Variants in ZFYVE26 observed in about 807,000 individuals in gnomAD.
ZFYVE26 encodes zinc finger FYVE-type containing 26, also known as zinc finger FYVE domain-containing protein 26.
In ZFYVE26, 181 loss-of-function variants were observed where a neutral mutation model predicts 276.5. The ratio of observed to expected loss-of-function variants is 0.65; its 90% CI spans 0.58 to 0.74. ZFYVE26 has a LOEUF of 0.74. ZFYVE26 is among the 30% of genes least tolerant of loss of function. The pLI, the probability that ZFYVE26 is intolerant of heterozygous loss-of-function variation, is 0.00. For synonymous variants in ZFYVE26, 1,129 were observed against 1,203.1 expected, an observed-to-expected ratio of 0.94 and a Z score of 1.27; for missense variants, 2,821 against 3,097.9, an observed-to-expected ratio of 0.91 and a Z score of 2.12.
chr14:67,772,385 C>T (rs1338291189), intron 27 of ZFYVE26, among the ~76,000 whole-genome samples, 175 bp from the exon 28 acceptor site: 1 of 152,196 alleles, frequency 6.6e-6, no homozygotes, highest in Admixed American at 6.5e-5. Flanking sequence ...CATTGTGTGC[C>T]TCCTGATGGA....
In ZFYVE26 at chr14:67,815,960, T is replaced by G; in HGVS notation, c.4A>C (p.Asn2His). 6.2e-7 allele frequency: 1 copy of G among 1,610,498 alleles called. No homozygotes were observed. Among genetic ancestry groups the G allele is most frequent in the Non-Finnish European group, 8.5e-7 (1 of 1,178,772 alleles). Residue 2 changes from asparagine (N) to histidine (H), a missense_variant, in exon 2 of 42, where the codon AAT becomes CAT. Physicochemically the swap from Asn to His is moderately conservative, Grantham distance 68. Coordinates refer to ENST00000347230, the MANE Select transcript of ZFYVE26 (RefSeq NM_015346.4). The part of the protein sequence containing the change: M[N>H]HPFGKEEAAS... The stretch of plus-strand genomic sequence containing the variant: ...GCTTCCTCTTTTCCAAATGGATGAT[T>G]CATTTTCCCAGCACAGAGTGCAGGG...
At chr14:67,776,380 T>TAA (rs756214469) in intron 25 of ZFYVE26, among the ~76,000 whole-genome samples, 3 of 152,240 alleles carry the variant, frequency 2.0e-5, no homozygotes, top group Non-Finnish European at 4.4e-5. Flanking sequence ...TCATGGTCCA[T>TAA]AATGTCTGTC....
intron 13 of ZFYVE26, among the ~76,000 whole-genome samples, chr14:67,733,053 A>G (rs1284533534): frequency 4.6e-5 from 7 of 152,178 alleles, no homozygotes; most frequent in African/African-American, 7.2e-5. Context: ...GCACACCAAC[A>G]TGGCACATGT....
At position 67,798,393 on chromosome 14, in the gene ZFYVE26, T is replaced by C. The variant is rs2040004781; in HGVS notation, c.1869A>G (p.Ile623Met). Residue 623 changes from isoleucine (I) to methionine (M), a missense_variant, in exon 11 of 42, where the codon ATA (isoleucine) becomes ATG (methionine). Transcript: ENST00000347230. ...GTTCTGACTTCCTTTCAGGATGTGCTATGTGCTGAGGGCTCTCTGATGGGG... is the reference window on the plus strand; with the variant it reads ...GTTCTGACTTCCTTTCAGGATGTGCCATGTGCTGAGGGCTCTCTGATGGGG... ...LRSPSESPQH[I>M]AHPERKSERG... The C allele has an allele frequency of 3.7e-6, 6 of 1,612,466 alleles. No individual in the cohort carries two copies. In the East Asian group the frequency reaches 8.9e-5, roughly 24 times the overall value.
chr14:67,777,988 T>A, intron 24 of ZFYVE26, 138 bp downstream of exon 24: 1 of 1,378,590 alleles, frequency 7.3e-7, no homozygotes, highest in African/African-American at 1.4e-5. Flanking sequence ...CTGCTCAAGA[T>A]GACTATAACC....
At chr14:67,749,776 T>A (rs553732783) in intron 41 of ZFYVE26, among the ~76,000 whole-genome samples, 4 of 152,172 alleles carry the variant, frequency 2.6e-5, no homozygotes, top group Non-Finnish European at 4.4e-5. Flanking sequence ...TGCCCTAGGA[T>A]GTTAGCTCTC....
intron 41 of ZFYVE26, chr14:67,750,850 G>A (rs547300268): frequency 1.0e-4 from 70 of 672,710 alleles, no homozygotes; most frequent in South Asian, 1.5e-4. Context: ...AGGCAAAGAC[G>A]CATGCAGTCC....
intron 35 of ZFYVE26, among the ~76,000 whole-genome samples, chr14:67,758,959 G>C (rs1381054134): frequency 1.3e-5 from 2 of 152,114 alleles, no homozygotes; most frequent in African/African-American, 4.8e-5. Context: ...AAGAAAACAG[G>C]CTGGGCACGG....
chr14:67,794,464 A>C (rs2039903232), intron 12 of ZFYVE26, among the ~76,000 whole-genome samples: 1 of 152,228 alleles, frequency 6.6e-6, no homozygotes, highest in South Asian at 2.1e-4. Flanking sequence ...AGCCTATACC[A>C]GTGGTTCCCA....
intron 13 of ZFYVE26, among the ~76,000 whole-genome samples, chr14:67,740,152 G>C (rs1421462904): frequency 6.6e-6 from 1 of 152,084 alleles, no homozygotes; most frequent in Admixed American, 6.5e-5. Flanking sequence ...GGGATGTACA[G>C]TAATAAAAGC....
chr14:67,805,456 G>C lies in ZFYVE26; in HGVS notation c.1180C>G (p.Gln394Glu). The change falls in exon 7 of 42, where the codon CAG (glutamine) becomes GAG (glutamate). Residue 394 changes from glutamine to glutamate, a missense_variant and splice_region_variant. By Grantham distance (29) the Gln-to-Glu change is conservative (BLOSUM62 2). Transcript: ENST00000347230. ...CTGGGATGCTGAGTGAGAGTTACCT[G>C]GGTCCTGTGCAGGGTCTGGAGCAGC... The part of the protein sequence containing the change: ...KRLLQTLHRT[Q>E]GPGCDELLRD... The C allele has an allele frequency of 1.2e-6, 2 of 1,614,178 alleles. No homozygotes were observed. The highest frequency in any genetic ancestry group is 1.1e-5 in the South Asian group (1 of 91,084).
intron 31 of ZFYVE26, 129 bp from the exon 32 acceptor site, chr14:67,766,576 G>GGGCCGGGCGCGGTGGCTCACGCCTGT: frequency 1.2e-6 from 1 of 817,580 alleles, no homozygotes; most frequent in Non-Finnish European, 2.0e-6. Flanking sequence ...GAAGGAACCA[G>GGGCCGGGCGCGGTGGCTCACGCCTGT]ATTCTACAAG....
At chr14:67,732,126 CAAAAA>C (rs71129854) in intron 13 of ZFYVE26, among the ~76,000 whole-genome samples, 6 of 77,528 alleles carry the variant, frequency 7.7e-5, no homozygotes, top group Non-Finnish European at 1.6e-4. Context: ...GACTCTGTCT[CAAAAA>C]AAAAAAAAAA....
At chr14:67,734,163 C>A (rs2038323868) in intron 13 of ZFYVE26, 2 of 326,928 alleles carry the variant, frequency 6.1e-6, no homozygotes, top group African/African-American at 4.3e-5. Context: ...GAAATTGGGT[C>A]AGTTCCCTCA....
At position 67,754,223 on chromosome 14, in the gene ZFYVE26, A is replaced by G. The variant is rs2038720458; in HGVS notation, c.6987-11T>C. On this transcript the variant is annotated splice_polypyrimidine_tract_variant and intron_variant, in intron 37 of 41. Transcript: ENST00000347230. ...AGTGTGTTCATGTGCCTGTGGTGAC[A>G]GAATATGCACAGTCCAGCCTCATGA... The G allele has an allele frequency of 2.5e-6, 4 of 1,614,098 alleles. No individual in the cohort carries two copies. The African/African-American group carries it at 5.3e-5, about 22-fold the overall frequency.
At chr14:67,765,051 C>T (rs1186186473) in intron 32 of ZFYVE26, among the ~76,000 whole-genome samples, 1 of 151,578 alleles carries the variant, frequency 6.6e-6, no homozygotes, top group African/African-American at 2.4e-5. Flanking sequence ...TCCTCCTATC[C>T]TTTTCTCATA....
intron 10 of ZFYVE26, chr14:67,799,180 G>A (rs1042858844): frequency 6.3e-7 from 1 of 1,591,650 alleles, no homozygotes; most frequent in Non-Finnish European, 8.6e-7. Flanking sequence ...CTTTTGAAAA[G>A]ACATACAAAG....
Position 67,772,185 on chromosome 14 carries a change from A to G in ZFYVE26, c.5346T>C (p.Ser1782=), listed in dbSNP as rs760618054. 3.1e-6 allele frequency: 5 copies of G among 1,613,290 alleles called. No homozygotes were observed. Among genetic ancestry groups the G allele is most frequent in the Non-Finnish European group, 4.2e-6 (5 of 1,179,774 alleles). ...TTGGTGGGAAACTCCTTTCCCTTAGACTAGGGGAATGTATACTGGAGATAC... is the reference window on the plus strand; with the variant it reads ...TTGGTGGGAAACTCCTTTCCCTTAGGCTAGGGGAATGTATACTGGAGATAC... ...PPGISSIHSP[S]LRERSFPPTQ... is the part of the protein sequence containing the mutation. Residue 1782 remains serine, a synonymous_variant, in exon 28 of 42, where the codon AGT becomes AGC. Transcript: ENST00000347230.
At chr14:67,815,132 T>C (rs2040375908) in intron 2 of ZFYVE26, among the ~76,000 whole-genome samples, 1 of 152,200 alleles carries the variant, frequency 6.6e-6, no homozygotes, top group African/African-American at 2.4e-5. Context: ...CTGATCCTTA[T>C]TACAGTGGGA....
Sources: allele counts gnomAD v4.1 joint callset (sites outside exome capture counted in the v4.1 genomes callset), GRCh38; gene constraint gnomAD v4.1.1; transcripts MANE v1.5; gene names NCBI Gene and HGNC (gene_info 2026-07-23, HGNC 2026-07-21).